The following MGAT5 variants were observed in gnomAD, a reference collection of about 807,000 sequenced individuals.
MGAT5 encodes alpha-1,6-mannosylglycoprotein 6-beta-N-acetylglucosaminyltransferase A.
In MGAT5, 30 loss-of-function variants were observed where a neutral mutation model predicts 94.3. The ratio of observed to expected loss-of-function variants is 0.32; its 90% confidence interval spans 0.24 to 0.43. The LOEUF (loss-of-function observed/expected upper bound fraction) is 0.43, where lower values mean the gene tolerates loss of function less well. MGAT5 is among the 20% of genes least tolerant of loss of function. The pLI is 1.00. For synonymous variants in MGAT5, 310 were observed against 322.9 expected, an observed-to-expected ratio of 0.96 and a Z score of 0.43; for missense variants, 691 against 905.5, an observed-to-expected ratio of 0.76 and a Z score of 3.04.
chr2:134,336,648 T>C (rs1239449173), intron 5 of MGAT5, among the ~76,000 whole-genome samples: 1 of 152,154 alleles, frequency 6.6e-6, no homozygotes, highest in Non-Finnish European at 1.5e-5. Flanking sequence ...CATTTTAGTC[T>C]GCAAGGTTCA....
chr2:134,361,588 C>G (rs1173556036), intron 9 of MGAT5, among the ~76,000 whole-genome samples: 2 of 152,152 alleles, frequency 1.3e-5, no homozygotes, highest in African/African-American at 4.8e-5. Flanking sequence ...GAGAGAAATC[C>G]AAAATTTTCT....
intron 1 of MGAT5, among the ~76,000 whole-genome samples, chr2:134,178,317 CTG>C (rs1422901157): frequency 2.0e-5 from 3 of 152,194 alleles, no homozygotes; most frequent in Non-Finnish European, 2.9e-5. Flanking sequence ...AGTTACCAGA[CTG>C]TTACAGCAAC....
chr2:134,438,589 C>T (rs1685304476), intron 14 of MGAT5, among the ~76,000 whole-genome samples: 1 of 152,186 alleles, frequency 6.6e-6, no homozygotes, highest in Non-Finnish European at 1.5e-5. Flanking sequence ...TCACTGTGCC[C>T]CCATTCAGGG....
chr2:134,181,744 C>T (rs1257216), intron 1 of MGAT5, among the ~76,000 whole-genome samples: 79,775 of 151,962 alleles, frequency 0.52, 23,880 homozygotes, highest in Non-Finnish European at 0.67. Context: ...TTATTGCATG[C>T]CACATGAAAG....
chr2:134,192,282 C>G (rs1679262140), intron 1 of MGAT5, among the ~76,000 whole-genome samples: 1 of 152,132 alleles, frequency 6.6e-6, no homozygotes, highest in African/African-American at 2.4e-5. Context: ...TCTTCCTCCT[C>G]CCATGAGTGT....
chr2:134,221,220 A>G (rs185046979), intron 1 of MGAT5, among the ~76,000 whole-genome samples: 27 of 152,240 alleles, frequency 1.8e-4, no homozygotes, highest in African/African-American at 6.0e-4. Flanking sequence ...GGTTTTATGT[A>G]TTTTAGGAAG....
chr2:134,353,058 T>C (rs929031983), intron 9 of MGAT5, among the ~76,000 whole-genome samples: 2 of 152,162 alleles, frequency 1.3e-5, no homozygotes, highest in African/African-American at 2.4e-5. Flanking sequence ...GAGGAATTAG[T>C]GTTTAATGGC....
In MGAT5 at chr2:134,318,742, G is replaced by C; in HGVS notation, c.573+3G>C. On this transcript the variant is annotated splice_donor_region_variant and intron_variant, in intron 4 of 15. Transcript: ENST00000281923. ...CTTTTTTTATTTACCTCAGTGAGGTGAGTAGCTTTCTGTGGCTCCTGGGGG... is the reference window on the plus strand; with the variant it reads ...CTTTTTTTATTTACCTCAGTGAGGTCAGTAGCTTTCTGTGGCTCCTGGGGG... 1 of 1,604,798 alleles carries C rather than the reference G, an allele frequency of 6.2e-7. No homozygotes were observed. Among genetic ancestry groups the C allele is most frequent in the Non-Finnish European group, 8.5e-7 (1 of 1,171,772 alleles).
chr2:134,436,888 A>G (rs975910842), intron 14 of MGAT5, among the ~76,000 whole-genome samples: 3 of 152,234 alleles, frequency 2.0e-5, no homozygotes, highest in Non-Finnish European at 4.4e-5. Flanking sequence ...TGGTGGGGCA[A>G]GGCTCCCAGT....
At chr2:134,363,181 G>A (rs2106117957) in intron 10 of MGAT5, among the ~76,000 whole-genome samples, 1 of 152,298 alleles carries the variant, frequency 6.6e-6, no homozygotes, top group East Asian at 1.9e-4. Context: ...CTCACAACAT[G>A]CCTCTTCCTA....
chr2:134,334,970 C>G (rs1688248078), intron 4 of MGAT5, among the ~76,000 whole-genome samples: 1 of 152,134 alleles, frequency 6.6e-6, no homozygotes, highest in African/African-American at 2.4e-5. Context: ...GAATATTTCA[C>G]TTTTCCTATT....
chr2:134,322,656 T>C (rs1167930261), intron 4 of MGAT5, among the ~76,000 whole-genome samples: 3 of 152,182 alleles, frequency 2.0e-5, no homozygotes, highest in Admixed American at 6.6e-5. Context: ...ATTTTTAAAA[T>C]CCTGGACAAT....
intron 1 of MGAT5, among the ~76,000 whole-genome samples, chr2:134,131,588 T>A (rs958838761): frequency 6.8e-6 from 1 of 147,720 alleles, no homozygotes; most frequent in Middle Eastern, 3.5e-3. Context: ...TTTTTTTTTT[T>A]TTTTTTTTTT....
At chr2:134,444,824 C>T (rs536007784) in intron 15 of MGAT5, among the ~76,000 whole-genome samples, 1 of 152,194 alleles carries the variant, frequency 6.6e-6, no homozygotes, top group Non-Finnish European at 1.5e-5. Flanking sequence ...GCCTCGAGTT[C>T]TTGTGCATGC....
chr2:134,314,319 A>T (rs906999503), intron 2 of MGAT5, among the ~76,000 whole-genome samples: 1 of 152,240 alleles, frequency 6.6e-6, no homozygotes, highest in African/African-American at 2.4e-5. Flanking sequence ...GGAGTTGCAG[A>T]GGAGACTGTC....
At chr2:134,128,245 GAAAGAAAAGAA>G (rs1205294026) in intron 1 of MGAT5, among the ~76,000 whole-genome samples, 3 of 151,678 alleles carry the variant, frequency 2.0e-5, no homozygotes, top group East Asian at 1.9e-4. Context: ...AGGAGAGAAT[GAAAGAAAAGAA>G]AAAGAAAAGA....
At chr2:134,385,295 C>G (rs1261865433) in intron 10 of MGAT5, among the ~76,000 whole-genome samples, 1 of 152,174 alleles carries the variant, frequency 6.6e-6, no homozygotes, top group East Asian at 1.9e-4. Context: ...GTCTATCTCT[C>G]CAAGTACTGC....
At chr2:134,376,127 A>G (rs1178658373) in intron 10 of MGAT5, among the ~76,000 whole-genome samples, 1 of 152,208 alleles carries the variant, frequency 6.6e-6, no homozygotes, top group Non-Finnish European at 1.5e-5. Context: ...ACAATGAATA[A>G]TGAGGAGCTT....
intron 10 of MGAT5, among the ~76,000 whole-genome samples, chr2:134,395,489 TC>T: frequency 6.6e-6 from 1 of 152,242 alleles, no homozygotes; most frequent in Non-Finnish European, 1.5e-5. Flanking sequence ...CTCAGGACTC[TC>T]ATGTCTAGCT....
Sources: gnomAD v4.1 joint callset for allele counts (sites outside exome capture counted in the v4.1 genomes callset) on GRCh38, gnomAD v4.1.1 for gene constraint, MANE v1.5 for transcripts, NCBI Gene and HGNC (gene_info 2026-07-23, HGNC 2026-07-21) for gene names.